The following SLC6A15 variants were observed in gnomAD, a reference collection of about 807,000 sequenced individuals.
SLC6A15 encodes the protein solute carrier family 6 member 15, also known as sodium-dependent neutral amino acid transporter B(0)AT2.
A neutral mutation model predicts 68.5 loss-of-function variants in SLC6A15; 33 were observed. The observed-to-expected ratio is 0.48, with a 90% CI of 0.37 to 0.64. The LOEUF is 0.64. Ranked by LOEUF, SLC6A15 falls within the 30% of genes least tolerant of loss-of-function variation. The probability of loss-of-function intolerance (pLI) is 0.00; values close to 1 mark genes in which losing one functional copy is unlikely to be tolerated. For synonymous variants in SLC6A15, 347 were observed against 301.0 expected (o/e 1.15, Z -1.58); for missense variants, 747 against 874.3 (o/e 0.85, Z 1.84).
Position 84,911,678 on chromosome 12 carries a change from T to C in SLC6A15, c.-189+845A>G, listed in dbSNP as rs180812590. ...ATTCTTATGTATCCAGTTGGTGCGC[T>C]ACGTTAGAGTGCAAGGATTTCCCTG... On this transcript the variant is annotated intron_variant, in intron 1 of 11. Transcript: ENST00000266682. Among the ~76,000 whole-genome samples, 6 of 152,302 alleles carry C rather than the reference T, an allele frequency of 3.9e-5. No individual in the cohort carries two copies. The East Asian group carries it at 1.2e-3, about 29-fold the overall frequency.
rs530676592 is a variant in SLC6A15 at position 84,860,510 on chromosome 12, G to A, written c.*1122C>T. ...TCTATTTTTCCTTAGACTCTGAAGC[G>A]GTGGTAACTCTATTCAATTAATGTA... On this transcript the variant is annotated 3_prime_UTR_variant, in exon 12 of 12. Coordinates refer to ENST00000266682, the MANE Select transcript of SLC6A15 (RefSeq NM_182767.6). The A allele has an allele frequency of 6.6e-6, 1 of 151,970 alleles. No individual in the cohort carries two copies. The highest frequency in any genetic ancestry group is 2.4e-5 in the African/African-American group (1 of 41,392). 9.4% of individuals were successfully genotyped at this position (151,970 alleles called of 1,614,324 possible). A position where few individuals can be genotyped will look rare whatever the true frequency, so the allele number is the denominator to read the frequency against.
At chr12:84,887,471 C>T (rs79305390) in intron 2 of SLC6A15, among the ~76,000 whole-genome samples, 6,197 of 152,208 alleles carry the variant, frequency 0.041, 404 homozygotes, top group African/African-American at 0.14. Flanking sequence ...GCTACATAAT[C>T]TGAACCTTTC....
At chr12:84,876,457 T>C in intron 6 of SLC6A15, 40 bp downstream of exon 6, 1 of 1,017,552 alleles carries the variant, frequency 9.8e-7, no homozygotes, top group Middle Eastern at 2.1e-4. Flanking sequence ...AACATAATGC[T>C]TTCATGATCA....
chr12:84,861,674 C>A lies in SLC6A15; in HGVS notation c.2151G>T (p.Leu717Phe). The A allele has an allele frequency of 6.2e-7, 1 of 1,610,004 alleles. No homozygotes were observed. The highest frequency in any genetic ancestry group is 8.5e-7 in the Non-Finnish European group (1 of 1,176,878). ...GCATATCTGGCATAATATCTGCCAT[C>A]AAGTACCCTATTCCATACCGTCCAT... ...APNGRYGIGY[L>F]MADIMPDMPE... Residue 717 changes from leucine to phenylalanine, a missense_variant, in exon 12 of 12, where the codon TTG (leucine) becomes TTT (phenylalanine). Transcript: ENST00000266682.
intron 1 of SLC6A15, among the ~76,000 whole-genome samples, chr12:84,909,625 C>G (rs1239245552): frequency 2.0e-5 from 3 of 152,070 alleles, no homozygotes; most frequent in Admixed American, 6.6e-5. Flanking sequence ...GCTGAGAAAC[C>G]ATTTCAAAAT....
intron 5 of SLC6A15, among the ~76,000 whole-genome samples, chr12:84,877,423 C>G (rs575684621): frequency 2.0e-5 from 3 of 152,252 alleles, no homozygotes; most frequent in South Asian, 4.1e-4. Flanking sequence ...TAAAACACTC[C>G]AGGAATTTCT....
In SLC6A15 at chr12:84,870,676, A is replaced by G. The variant is rs1321738773; in HGVS notation, c.1303-6T>C. Reference sequence around the variant, plus strand: ...AAGCCGGTCCCCTGAACAGCCTGCAAAATACACAAAATAGCAACATTAGTA... The same window carrying G: ...AAGCCGGTCCCCTGAACAGCCTGCAGAATACACAAAATAGCAACATTAGTA... On this transcript the variant is annotated splice_polypyrimidine_tract_variant and splice_region_variant and intron_variant, in intron 8 of 11. Transcript: ENST00000266682. 1 of 1,593,554 alleles carries G rather than the reference A, an allele frequency of 6.3e-7. No individual in the cohort carries two copies. The highest frequency in any genetic ancestry group is 2.3e-5 in the East Asian group (1 of 44,262).
intron 2 of SLC6A15, among the ~76,000 whole-genome samples, chr12:84,888,023 C>T (rs1403365352): frequency 6.6e-6 from 1 of 151,164 alleles, no homozygotes; most frequent in African/African-American, 2.4e-5. Flanking sequence ...TTCAGGAGTT[C>T]GAGACCAGCT....
Position 84,885,521 on chromosome 12 carries a change from C to G in SLC6A15, c.488G>C (p.Gly163Ala). ...FVALYYNVII[G>A]WSLFYFSQSF... ...CTGAGAAAAATAAAACAAACTCCAG[C>G]CAATGATGACGTTGTAGTAGAGAGC... The change falls in exon 4 of 12, where the codon GGC (glycine) becomes GCC (alanine). Residue 163 changes from glycine to alanine, a missense_variant. Gly to Ala is a moderately conservative substitution (Grantham distance 60, BLOSUM62 0). Transcript: ENST00000266682. 3.7e-6 allele frequency: 6 copies of G among 1,613,332 alleles called. No individual in the cohort carries two copies. Among genetic ancestry groups the G allele is most frequent in the Non-Finnish European group, 5.1e-6 (6 of 1,179,650 alleles).
chr12:84,891,732 G>T, intron 2 of SLC6A15, 100 bp downstream of exon 2: 1 of 1,238,556 alleles, frequency 8.1e-7, no homozygotes, highest in Non-Finnish European at 1.1e-6. Context: ...CAATGAAATT[G>T]AAAGTTTCAA....
In SLC6A15 at chr12:84,903,448, C is replaced by T. The variant is rs138839399; in HGVS notation, c.-189+9075G>A. On this transcript the variant is annotated intron_variant, in intron 1 of 11. Transcript: ENST00000266682. ...AAAACATTGAGAATAAAAAAAATTA[C>T]TTCAAATTTAATGTCTTAAAACAAC... Among the ~76,000 whole-genome samples, 919 of 152,090 alleles carry T rather than the reference C, an allele frequency of 6.0e-3. 3 individuals carry two copies. Among genetic ancestry groups the T allele is most frequent in the African/African-American group, 0.017 (726 of 41,498 alleles).
intron 6 of SLC6A15, among the ~76,000 whole-genome samples, chr12:84,875,281 C>T (rs1219354688): frequency 6.6e-6 from 1 of 151,670 alleles, no homozygotes; most frequent in Admixed American, 6.6e-5. Context: ...GGCTGAAACT[C>T]GTAAATCTTA....
chr12:84,874,767 T>C (rs1462417553), intron 6 of SLC6A15, among the ~76,000 whole-genome samples: 1 of 152,178 alleles, frequency 6.6e-6, no homozygotes, highest in African/African-American at 2.4e-5. Flanking sequence ...ACCTATTAAC[T>C]AAAGACATTA....
In SLC6A15 at chr12:84,873,037, TAAC is replaced by T. The variant is rs759917733; in HGVS notation, c.1109+47_1109+49del. 1.8e-5 allele frequency: 28 copies of T among 1,573,808 alleles called. No homozygotes were observed. In the Admixed American group the frequency reaches 2.0e-4, roughly 11 times the overall value. ...TATCATGTATCAATAAAAGTATAAA[TAAC>T]AAGATAAAAACTAAGAAAAAAGGCA... On this transcript the variant is annotated intron_variant, in intron 7 of 11. Transcript: ENST00000266682.
chr12:84,885,368 G>C, intron 4 of SLC6A15, 67 bp downstream of exon 4: 1 of 1,359,160 alleles, frequency 7.4e-7, no homozygotes, highest in Non-Finnish European at 9.7e-7. Flanking sequence ...AAAAAATCTT[G>C]AAAGCTTGTA....
intron 1 of SLC6A15, among the ~76,000 whole-genome samples, chr12:84,903,000 T>C (rs1189901656): frequency 2.0e-5 from 3 of 152,128 alleles, no homozygotes; most frequent in African/African-American, 4.8e-5. Flanking sequence ...CTATGGATTA[T>C]ACCAGCATCA....
At chr12:84,890,285 T>C (rs1452123775) in intron 2 of SLC6A15, among the ~76,000 whole-genome samples, 1 of 152,230 alleles carries the variant, frequency 6.6e-6, no homozygotes, top group Non-Finnish European at 1.5e-5. Context: ...TTACTACATA[T>C]AAAATCTTTT....
At chr12:84,909,452 G>A (rs1005357801) in intron 1 of SLC6A15, among the ~76,000 whole-genome samples, 1 of 152,116 alleles carries the variant, frequency 6.6e-6, no homozygotes, top group South Asian at 2.1e-4. Flanking sequence ...ACTGGTCAAA[G>A]TTAATATTTA....
intron 10 of SLC6A15, among the ~76,000 whole-genome samples, chr12:84,865,827 A>G (rs1279990933): frequency 6.6e-6 from 1 of 152,178 alleles, no homozygotes; most frequent in East Asian, 1.9e-4. Context: ...CAATTTATCC[A>G]TTTACCTACT....
Sources: gnomAD v4.1 joint callset for allele counts (sites outside exome capture counted in the v4.1 genomes callset) on GRCh38, gnomAD v4.1.1 for gene constraint, MANE v1.5 for transcripts, NCBI Gene and HGNC (gene_info 2026-07-23, HGNC 2026-07-21) for gene names.